Variants in PUM1 observed in about 807,000 individuals in gnomAD.
PUM1 encodes the protein pumilio RNA binding family member 1.
In PUM1, 13 loss-of-function variants were observed where a neutral mutation model predicts 131.8. That is an observed-to-expected ratio of 0.10 (90% CI 0.06 to 0.16). PUM1 has a LOEUF of 0.16. Among genes scored for constraint, PUM1 ranks in the 10% least tolerant of loss-of-function variants. The pLI is 1.00. For synonymous variants in PUM1, 509 were observed against 556.5 expected, an observed-to-expected ratio of 0.91 and a Z score of 1.20; for missense variants, 961 against 1,512.4, an observed-to-expected ratio of 0.64 and a Z score of 6.05.
chr1:31,059,079 G>C, intron 2 of PUM1, 125 bp downstream of exon 2: 1 of 1,126,388 alleles, frequency 8.9e-7, no homozygotes, highest in East Asian at 2.4e-5. Flanking sequence ...TTTATAACAA[G>C]TAACTGTTTG....
intron 1 of PUM1, among the ~76,000 whole-genome samples, chr1:31,062,642 A>C (rs1644395569): frequency 6.6e-6 from 1 of 151,788 alleles, no homozygotes; most frequent in East Asian, 1.9e-4. Context: ...AAAAAGCTAC[A>C]AAGTAAATAA....
rs80279141 is a variant in PUM1, at chr1:31,010,861, G to A, written c.433-3759C>T. The stretch of plus-strand genomic sequence containing the variant: ...TAGGTTCCTAACCTATAGCAACTAT[G>A]AGGCTTAAACAACTGTCTTGTTTTA... On this transcript the variant is annotated intron_variant, in intron 3 of 21. Transcript: ENST00000426105. 8.4e-3 allele frequency among the ~76,000 whole-genome samples: 1,279 copies of A among 152,288 alleles called. 7 individuals are homozygous for A. Among genetic ancestry groups the A allele is most frequent in the Middle Eastern group, 0.031 (9 of 294 alleles).
chr1:31,060,114 C>T (rs1644335131), intron 1 of PUM1, among the ~76,000 whole-genome samples: 1 of 144,908 alleles, frequency 6.9e-6, no homozygotes, highest in African/African-American at 2.5e-5. Context: ...TCCGGAAGTG[C>T]TGGGATTACA....
At chr1:31,045,104 A>G (rs1643920280) in intron 2 of PUM1, among the ~76,000 whole-genome samples, 1 of 147,838 alleles carries the variant, frequency 6.8e-6, no homozygotes, top group Non-Finnish European at 1.5e-5. Flanking sequence ...AGCTGGAATT[A>G]TACACTTTAA....
At chr1:31,063,622 T>A (rs1435462851) in intron 1 of PUM1, among the ~76,000 whole-genome samples, 1 of 152,130 alleles carries the variant, frequency 6.6e-6, no homozygotes, top group African/African-American at 2.4e-5. Context: ...CAAATAAAAA[T>A]TTTTAAAAGA....
chr1:30,954,512 T>C (rs1194242171), intron 14 of PUM1, among the ~76,000 whole-genome samples: 1 of 152,156 alleles, frequency 6.6e-6, no homozygotes, highest in South Asian at 2.1e-4. Context: ...TGCCACTAAA[T>C]AGAAGTGTGA....
At chr1:31,022,842 C>G (rs138520327) in intron 3 of PUM1, among the ~76,000 whole-genome samples, 32 of 152,248 alleles carry the variant, frequency 2.1e-4, no homozygotes, top group Middle Eastern at 3.4e-3. Context: ...GTTAAGGGAA[C>G]TAGGGTGTTT....
intron 14 of PUM1, among the ~76,000 whole-genome samples, chr1:30,957,700 A>G (rs987369313): frequency 1.3e-5 from 2 of 152,222 alleles, no homozygotes; most frequent in Non-Finnish European, 2.9e-5. Flanking sequence ...TGCTACGTCA[A>G]ATGTTATCAT....
chr1:31,053,877 C>G (rs1249906372), intron 2 of PUM1, among the ~76,000 whole-genome samples: 4 of 151,916 alleles, frequency 2.6e-5, no homozygotes, highest in Non-Finnish European at 4.4e-5. Context: ...GGTGGATCAC[C>G]TGAGGTTAGG....
At chr1:31,052,359 T>C (rs1644132097) in intron 2 of PUM1, among the ~76,000 whole-genome samples, 2 of 152,122 alleles carry the variant, frequency 1.3e-5, no homozygotes, top group East Asian at 1.9e-4. Context: ...GGTGGGAAGA[T>C]GTGTCTAGTG....
At position 31,005,527 on chromosome 1, in the gene PUM1, C is replaced by A. The variant is rs995596563; in HGVS notation, c.720+326G>T. On this transcript the variant is annotated intron_variant, in intron 5 of 21. Transcript: ENST00000426105. ...TATTTTTTTAATTCCTTCACCACCC[C>A]CCTTTTGCTTTTATTTTAAAGTAAA... 3.3e-5 allele frequency among the ~76,000 whole-genome samples: 5 copies of A among 152,216 alleles called. No homozygotes were observed. In the South Asian group the frequency reaches 8.3e-4, roughly 25 times the overall value.
Position 30,933,238 on chromosome 1 carries a change from G to C in PUM1, c.3540C>G (p.Ile1180Met). The change falls in exon 22 of 22, where the codon ATC becomes ATG. Residue 1180 changes from isoleucine (I) to methionine (M), a missense_variant. Around this residue, in one of 4 missense-constraint regions of PUM1, gnomAD observed 178 missense variants for 327.5 expected, o/e 0.54. Transcript: ENST00000426105. Reference protein sequence around the residue: ...YMKNGVDLGPICGPPNGII With the variant: ...YMKNGVDLGPMCGPPNGII The stretch of plus-strand genomic sequence containing the variant: ...AGATGATACCATTAGGGGGGCCACA[G>C]ATGGGCCCTAAGTCAACACCGTTCT... 6.2e-7 allele frequency: 1 copy of C among 1,613,694 alleles called. No individual in the cohort carries two copies. The highest frequency in any genetic ancestry group is 8.5e-7 in the Non-Finnish European group (1 of 1,179,802).
In PUM1 at chr1:31,030,682, G is replaced by T. The variant is rs183318193; in HGVS notation, c.364-1818C>A. On this transcript the variant is annotated intron_variant, in intron 2 of 21. Coordinates refer to ENST00000426105, the MANE Select transcript of PUM1 (RefSeq NM_001020658.2). ...GCAGAAATCACGCCACTACACTCTAGCCTGGGTGAGAGTGAGACAGTGTCC... is the reference window on the plus strand; with the variant it reads ...GCAGAAATCACGCCACTACACTCTATCCTGGGTGAGAGTGAGACAGTGTCC... 1.6e-3 allele frequency among the ~76,000 whole-genome samples: 240 copies of T among 150,078 alleles called. 5 individuals carry two copies. The highest frequency in any genetic ancestry group is 1.5e-3 in the Non-Finnish European group (99 of 67,820).
intron 2 of PUM1, among the ~76,000 whole-genome samples, chr1:31,046,705 C>T (rs1481363584): frequency 3.3e-5 from 5 of 151,794 alleles, no homozygotes; most frequent in East Asian, 2.0e-4. Flanking sequence ...CTCCTAACCT[C>T]GTGATCCACC....
intron 3 of PUM1, among the ~76,000 whole-genome samples, chr1:31,023,062 T>C (rs928415945): frequency 5.3e-5 from 8 of 151,744 alleles, no homozygotes; most frequent in Non-Finnish European, 1.0e-4. Context: ...TAGTCCCAGC[T>C]ACTTGGGAGG....
chr1:31,055,541 A>G (rs1348652570), intron 2 of PUM1, among the ~76,000 whole-genome samples: 1 of 152,164 alleles, frequency 6.6e-6, no homozygotes. Context: ...GAGTTCCCCA[A>G]CGTTGTTCAT....
At chr1:31,053,963 G>A (rs983233137) in intron 2 of PUM1, among the ~76,000 whole-genome samples, 3 of 151,816 alleles carry the variant, frequency 2.0e-5, no homozygotes, top group Admixed American at 2.0e-4. Flanking sequence ...GCGTGGTGGT[G>A]CACACTTGTA....
At chr1:30,954,910 A>G (rs1640086832) in intron 14 of PUM1, among the ~76,000 whole-genome samples, 1 of 152,022 alleles carries the variant, frequency 6.6e-6, no homozygotes, top group Non-Finnish European at 1.5e-5. Flanking sequence ...AAAAAAATAA[A>G]AAATAAAAAT....
At chr1:31,046,416 C>CA (rs550689871) in intron 2 of PUM1, among the ~76,000 whole-genome samples, 111 of 149,992 alleles carry the variant, frequency 7.4e-4, no homozygotes, top group African/African-American at 2.6e-3. Flanking sequence ...CAACAGTTTT[C>CA]AAAAAAATAT....
Sources: allele counts gnomAD v4.1 joint callset (sites outside exome capture counted in the v4.1 genomes callset), GRCh38; gene constraint gnomAD v4.1.1; regional missense constraint gnomAD v4.1.1; transcripts MANE v1.5; gene names NCBI Gene and HGNC (gene_info 2026-07-23, HGNC 2026-07-21).